Variants in HS3ST5 observed in about 807,000 individuals in gnomAD.
HS3ST5 encodes heparan sulfate-glucosamine 3-sulfotransferase 5.
In HS3ST5, 10 loss-of-function variants were observed where a neutral mutation model predicts 25.4. The ratio of observed to expected loss-of-function variants is 0.39; its 90% confidence interval spans 0.24 to 0.67. The LOEUF is 0.67. Among genes scored for constraint, HS3ST5 ranks in the 30% least tolerant of loss-of-function variants. The pLI is 0.44. For missense variants in HS3ST5, 324 were observed against 420.7 expected (o/e 0.77, Z 2.01); for synonymous variants, 170 against 162.4 (o/e 1.05, Z -0.36).
intron 1 of HS3ST5, among the ~76,000 whole-genome samples, chr6:114,274,382 A>T (rs997281827): frequency 6.6e-6 from 1 of 152,074 alleles, no homozygotes; most frequent in Admixed American, 6.6e-5. Context: ...TCACCAATGT[A>T]AAGTGATAAT....
At chr6:114,137,171 G>A (rs1288521757) in intron 3 of HS3ST5, among the ~76,000 whole-genome samples, 2 of 152,112 alleles carry the variant, frequency 1.3e-5, no homozygotes, top group Non-Finnish European at 2.9e-5. Flanking sequence ...TTCTTGAATA[G>A]GTTATCAGGA....
intron 3 of HS3ST5, among the ~76,000 whole-genome samples, chr6:114,147,489 G>A (rs1315099137): frequency 6.6e-6 from 1 of 152,152 alleles, no homozygotes; most frequent in African/African-American, 2.4e-5. Flanking sequence ...CAGAAGAATA[G>A]GGTCTTGGAA....
chr6:114,126,730 G>A (rs1195106089), intron 3 of HS3ST5, among the ~76,000 whole-genome samples: 1 of 152,104 alleles, frequency 6.6e-6, no homozygotes, highest in East Asian at 1.9e-4. Flanking sequence ...GGTTTCTAGA[G>A]GATTGGAGAA....
chr6:114,341,352 GAA>G (rs1008217871), intron 1 of HS3ST5, among the ~76,000 whole-genome samples: 66 of 152,064 alleles, frequency 4.3e-4, no homozygotes, highest in African/African-American at 1.6e-3. Flanking sequence ...TAGGGAAGCG[GAA>G]GAGTAGAGGA....
intron 1 of HS3ST5, among the ~76,000 whole-genome samples, chr6:114,338,538 A>G (rs1005412602): frequency 6.6e-6 from 1 of 152,160 alleles, no homozygotes; most frequent in East Asian, 1.9e-4. Flanking sequence ...TGGAACTTCC[A>G]TATGAGATTT....
In HS3ST5 at chr6:114,329,976, A is replaced by C. The variant is rs575661072; in HGVS notation, c.-339+12219T>G. Among the ~76,000 whole-genome samples, 8 of 152,312 alleles carry C rather than the reference A, an allele frequency of 5.3e-5. 1 individual carries two copies. In the East Asian group the frequency reaches 1.5e-3, roughly 29 times the overall value. ...CTACTTAAATGTATGTTTGAAATAC[A>C]GTCGGCAAAAGACACACACTTGCAT... On this transcript the variant is annotated intron_variant, in intron 1 of 4. Coordinates refer to ENST00000312719, the MANE Select transcript of HS3ST5 (RefSeq NM_153612.4).
Position 114,296,568 on chromosome 6 carries a change from A to G in HS3ST5, c.-339+45627T>C, listed in dbSNP as rs17076020. Among the ~76,000 whole-genome samples the G allele has an allele frequency of 2.6e-5, 4 of 152,298 alleles. No individual in the cohort carries two copies. The South Asian group carries it at 8.3e-4, about 32-fold the overall frequency. On this transcript the variant is annotated intron_variant, in intron 1 of 4. Coordinates refer to ENST00000312719, the MANE Select transcript of HS3ST5 (RefSeq NM_153612.4). ...ATTCATGTGTGGATATATATTCCGAAAGATGTTGTTTTCCCACTATTCATT... is the reference window on the plus strand; with the variant it reads ...ATTCATGTGTGGATATATATTCCGAGAGATGTTGTTTTCCCACTATTCATT...
intron 1 of HS3ST5, among the ~76,000 whole-genome samples, chr6:114,230,722 G>A (rs1771544789): frequency 6.6e-6 from 1 of 151,546 alleles, no homozygotes; most frequent in South Asian, 2.1e-4. Context: ...AAGTAGCTGG[G>A]ATTACAGGCA....
chr6:114,238,296 T>C (rs1771950514), intron 1 of HS3ST5, among the ~76,000 whole-genome samples: 1 of 152,198 alleles, frequency 6.6e-6, no homozygotes, highest in South Asian at 2.1e-4. Context: ...TGCTCAATAG[T>C]GTCTCTATGG....
chr6:114,276,815 T>C (rs2114722368), intron 1 of HS3ST5, among the ~76,000 whole-genome samples: 1 of 152,144 alleles, frequency 6.6e-6, no homozygotes, highest in South Asian at 2.1e-4. Flanking sequence ...TTGTTCCTTT[T>C]TTCCTACTTG....
intron 1 of HS3ST5, among the ~76,000 whole-genome samples, chr6:114,248,664 T>C (rs1304113500): frequency 6.6e-6 from 1 of 152,192 alleles, no homozygotes; most frequent in Admixed American, 6.5e-5. Flanking sequence ...TATTAGGCTA[T>C]AGGGATAAAA....
chr6:114,077,435 A>G (rs929490636), intron 3 of HS3ST5, among the ~76,000 whole-genome samples: 1 of 152,234 alleles, frequency 6.6e-6, no homozygotes, highest in African/African-American at 2.4e-5. Flanking sequence ...AACAATTGTT[A>G]GTTTAGTAAA....
chr6:114,263,254 G>A (rs1331644445), intron 1 of HS3ST5, among the ~76,000 whole-genome samples: 1 of 151,890 alleles, frequency 6.6e-6, no homozygotes, highest in Non-Finnish European at 1.5e-5. Flanking sequence ...TAAGTAAAAT[G>A]TTTCAAGATT....
At chr6:114,145,032 T>C (rs1434714789) in intron 3 of HS3ST5, among the ~76,000 whole-genome samples, 1 of 152,200 alleles carries the variant, frequency 6.6e-6, no homozygotes. Context: ...CTCTCACTTG[T>C]GCTCCAACTT....
At chr6:114,150,832 C>A (rs1435389902) in intron 3 of HS3ST5, among the ~76,000 whole-genome samples, 1 of 152,136 alleles carries the variant, frequency 6.6e-6, no homozygotes, top group African/African-American at 2.4e-5. Flanking sequence ...CAGAAGGAAT[C>A]GTCAAATTGT....
intron 2 of HS3ST5, among the ~76,000 whole-genome samples, chr6:114,207,224 T>C (rs1162056031): frequency 6.6e-6 from 1 of 152,178 alleles, no homozygotes; most frequent in Non-Finnish European, 1.5e-5. Context: ...AATTTAGCTG[T>C]ATAAGCTGCC....
intron 3 of HS3ST5, among the ~76,000 whole-genome samples, chr6:114,153,938 G>A (rs182229235): frequency 2.6e-5 from 4 of 152,288 alleles, no homozygotes; most frequent in Admixed American, 2.6e-4. Flanking sequence ...GCACAGTGGT[G>A]AGCAGGGAAG....
chr6:114,260,853 A>G (rs1773139066), intron 1 of HS3ST5, among the ~76,000 whole-genome samples: 1 of 152,212 alleles, frequency 6.6e-6, no homozygotes, highest in Non-Finnish European at 1.5e-5. Context: ...TAAAATGGCA[A>G]AAAAGGAAGC....
intron 2 of HS3ST5, among the ~76,000 whole-genome samples, chr6:114,193,363 G>A (rs1214965288): frequency 6.6e-6 from 1 of 152,206 alleles, no homozygotes; most frequent in Non-Finnish European, 1.5e-5. Context: ...TGAAGGATAT[G>A]TAGCAAGCCA....
Sources: allele counts gnomAD v4.1 joint callset (sites outside exome capture counted in the v4.1 genomes callset), GRCh38; gene constraint gnomAD v4.1.1; transcripts MANE v1.5; gene names NCBI Gene and HGNC (gene_info 2026-07-23, HGNC 2026-07-21).